PDE7B: variants seen among roughly 807,000 people sequenced by gnomAD.
The protein encoded by PDE7B is phosphodiesterase 7B, also known as 3',5'-cyclic-AMP phosphodiesterase 7B.
Under a neutral mutation model 56.2 loss-of-function variants are expected in PDE7B, and 29 were observed. The observed-to-expected ratio is 0.52, with a 90% CI of 0.38 to 0.70. The LOEUF is 0.70. Ranked by LOEUF, PDE7B falls within the 30% of genes least tolerant of loss-of-function variation. PDE7B has a pLI of 0.00. For synonymous variants in PDE7B, 197 were observed against 196.9 expected (o/e 1.00, Z 0.00); for missense variants, 490 against 565.0 (o/e 0.87, Z 1.35).
chr6:135,961,285 G>GTGTA (rs1774897345), intron 2 of PDE7B, among the ~76,000 whole-genome samples: 1 of 143,676 alleles, frequency 7.0e-6, no homozygotes, highest in African/African-American at 2.8e-5. Flanking sequence ...GTGTGTATGT[G>GTGTA]TGTGTGTGTG....
intron 2 of PDE7B, among the ~76,000 whole-genome samples, chr6:136,060,896 G>A (rs1159026311): frequency 2.0e-5 from 3 of 152,112 alleles, no homozygotes; most frequent in Non-Finnish European, 4.4e-5. Context: ...AGAAGTCCTT[G>A]GAGTTGTATT....
At chr6:135,930,855 G>A in intron 1 of PDE7B, among the ~76,000 whole-genome samples, 1 of 152,166 alleles carries the variant, frequency 6.6e-6, no homozygotes, top group Admixed American at 6.5e-5. Flanking sequence ...GCTACTTGGA[G>A]TTCTATGTGT....
chr6:136,049,678 G>A (rs1211868085), intron 2 of PDE7B, among the ~76,000 whole-genome samples: 1 of 152,056 alleles, frequency 6.6e-6, no homozygotes, highest in Admixed American at 6.5e-5. Context: ...ATTTGGTGAG[G>A]GAATAAACGT....
chr6:135,982,298 G>C (rs549946247), intron 2 of PDE7B, among the ~76,000 whole-genome samples: 1 of 152,314 alleles, frequency 6.6e-6, no homozygotes, highest in South Asian at 2.1e-4. Flanking sequence ...CTGGAAGTAA[G>C]AACAAGAGCC....
At chr6:136,065,015 A>T (rs544368255) in intron 2 of PDE7B, among the ~76,000 whole-genome samples, 1 of 152,360 alleles carries the variant, frequency 6.6e-6, no homozygotes, top group East Asian at 1.9e-4. Flanking sequence ...GCATTTGTCT[A>T]TGTGTGCAAA....
chr6:136,097,297 C>A (rs1185767543), intron 2 of PDE7B, among the ~76,000 whole-genome samples: 2 of 152,148 alleles, frequency 1.3e-5, no homozygotes, highest in Non-Finnish European at 2.9e-5. Flanking sequence ...TTTCTTTCCA[C>A]AAACTGGGTC....
chr6:135,858,824 ATCAGT>A (rs1247843756), intron 1 of PDE7B, among the ~76,000 whole-genome samples: 7 of 152,188 alleles, frequency 4.6e-5, no homozygotes, highest in Admixed American at 2.0e-4. Context: ...TTTAGAATTG[ATCAGT>A]TCAGTTTAAT....
intron 2 of PDE7B, among the ~76,000 whole-genome samples, chr6:135,989,666 A>T (rs1265482938): frequency 2.0e-5 from 3 of 152,120 alleles, no homozygotes; most frequent in Admixed American, 6.6e-5. Context: ...TAAATGCAAA[A>T]TTATTTTCAG....
At chr6:135,894,835 A>G (rs1052055132) in intron 1 of PDE7B, among the ~76,000 whole-genome samples, 3 of 152,166 alleles carry the variant, frequency 2.0e-5, no homozygotes, top group African/African-American at 7.2e-5. Flanking sequence ...GGTGGGTTCA[A>G]TCATAATTTC....
chr6:135,906,168 C>T (rs1257995344), intron 1 of PDE7B, among the ~76,000 whole-genome samples: 2 of 152,108 alleles, frequency 1.3e-5, no homozygotes, highest in African/African-American at 4.8e-5. Context: ...ATATTTTAGT[C>T]AGGGTCTGTG....
intron 2 of PDE7B, among the ~76,000 whole-genome samples, chr6:136,087,701 AGAAG>A (rs1777315997): frequency 6.6e-6 from 1 of 152,202 alleles, no homozygotes; most frequent in African/African-American, 2.4e-5. Flanking sequence ...CGGCTTCTCT[AGAAG>A]GAAGGTGAAA....
intron 3 of PDE7B, among the ~76,000 whole-genome samples, chr6:136,114,523 A>G (rs1471031099): frequency 6.6e-6 from 1 of 152,222 alleles, no homozygotes; most frequent in African/African-American, 2.4e-5. Flanking sequence ...ATGGAGGGAC[A>G]GTTTCCTTCC....
At chr6:135,908,306 C>T (rs1330517145) in intron 1 of PDE7B, among the ~76,000 whole-genome samples, 1 of 151,794 alleles carries the variant, frequency 6.6e-6, no homozygotes, top group Non-Finnish European at 1.5e-5. Flanking sequence ...ATCGGTCAGG[C>T]TGGTCTCGTA....
At position 136,173,787 on chromosome 6, in the gene PDE7B, T is replaced by G. The variant is rs1403537370; in HGVS notation, c.712-10T>G. The stretch of plus-strand genomic sequence containing the variant: ...CTCTCATTTATAACTCTTATTTTCT[T>G]TCTTTCTAGAATATGTCTGTGCTGG... On this transcript the variant is annotated splice_polypyrimidine_tract_variant and intron_variant, in intron 8 of 12. Coordinates refer to ENST00000308191, the MANE Select transcript of PDE7B (RefSeq NM_018945.4). The G allele has an allele frequency of 1.9e-6, 3 of 1,575,016 alleles. No homozygotes were observed. Among genetic ancestry groups the G allele is most frequent in the Non-Finnish European group, 2.6e-6 (3 of 1,145,542 alleles).
intron 6 of PDE7B, among the ~76,000 whole-genome samples, chr6:136,153,236 T>C (rs1778551088): frequency 6.6e-6 from 1 of 152,088 alleles, no homozygotes; most frequent in African/African-American, 2.4e-5. Context: ...ACCCAGAAAA[T>C]ATATAAAGAA....
intron 2 of PDE7B, among the ~76,000 whole-genome samples, chr6:136,088,540 G>A (rs1174195341): frequency 6.6e-6 from 1 of 152,172 alleles, no homozygotes; most frequent in Non-Finnish European, 1.5e-5. Flanking sequence ...TCATAAGGCA[G>A]AATAGGATTA....
intron 1 of PDE7B, among the ~76,000 whole-genome samples, chr6:135,854,675 G>A (rs529847290): frequency 1.2e-4 from 19 of 152,274 alleles, no homozygotes; most frequent in African/African-American, 4.6e-4. Context: ...ACTGTCCACA[G>A]GAGAGTAGCT....
chr6:135,944,831 C>A (rs1218308535), intron 1 of PDE7B, among the ~76,000 whole-genome samples: 1 of 152,170 alleles, frequency 6.6e-6, no homozygotes, highest in Non-Finnish European at 1.5e-5. Flanking sequence ...GCAACCTCAA[C>A]CCATCAACCC....
intron 3 of PDE7B, among the ~76,000 whole-genome samples, chr6:136,123,154 C>T (rs1777966639): frequency 6.6e-6 from 1 of 151,932 alleles, no homozygotes; most frequent in South Asian, 2.1e-4. Context: ...AGTTCAAAAC[C>T]AGTCTGGGCA....
Sources: allele counts gnomAD v4.1 joint callset (sites outside exome capture counted in the v4.1 genomes callset), GRCh38; gene constraint gnomAD v4.1.1; transcripts MANE v1.5; gene names NCBI Gene and HGNC (gene_info 2026-07-23, HGNC 2026-07-21).